Variants in GRID1 observed in about 807,000 individuals in gnomAD.
GRID1 encodes glutamate receptor ionotropic, delta-1.
A neutral mutation model predicts 98.0 loss-of-function variants in GRID1; 28 were observed. That is an observed-to-expected ratio of 0.29 (90% CI 0.21 to 0.39). GRID1 has a LOEUF of 0.39. Among genes scored for constraint, GRID1 ranks in the 10% least tolerant of loss-of-function variants. The pLI is 1.00. For missense variants in GRID1, 1,111 were observed against 1,340.5 expected, an observed-to-expected ratio of 0.83 and a Z score of 2.67; for synonymous variants, 553 against 538.5, an observed-to-expected ratio of 1.03 and a Z score of -0.37.
At chr10:85,672,146 G>A (rs1841093377) in intron 12 of GRID1, among the ~76,000 whole-genome samples, 1 of 152,234 alleles carries the variant, frequency 6.6e-6, no homozygotes, top group African/African-American at 2.4e-5. Flanking sequence ...AATTTTCAGT[G>A]TAGATGCAAT....
At chr10:86,117,257 C>A (rs911269571) in intron 4 of GRID1, among the ~76,000 whole-genome samples, 2 of 151,504 alleles carry the variant, frequency 1.3e-5, no homozygotes, top group African/African-American at 4.9e-5. Context: ...CTACCACTAT[C>A]ACCACCACCA....
At chr10:86,184,146 T>G (rs961209491) in intron 3 of GRID1, among the ~76,000 whole-genome samples, 1 of 152,258 alleles carries the variant, frequency 6.6e-6, no homozygotes, top group African/African-American at 2.4e-5. Context: ...TTTTATACTC[T>G]ATACATGATT....
At chr10:86,168,515 G>A (rs1321757135) in intron 3 of GRID1, among the ~76,000 whole-genome samples, 1 of 152,178 alleles carries the variant, frequency 6.6e-6, no homozygotes, top group Non-Finnish European at 1.5e-5. Context: ...GAACCCAAGA[G>A]CCTGCTGTCC....
In GRID1 at chr10:86,365,936, G is replaced by GC. The variant is rs1429944088; in HGVS notation, c.79+377dup. Among the ~76,000 whole-genome samples, 1 of 149,290 alleles carries GC rather than the reference G, an allele frequency of 6.7e-6. No homozygotes were observed. Among genetic ancestry groups the GC allele is most frequent in the Non-Finnish European group, 1.5e-5 (1 of 67,024 alleles). Reference sequence around the variant, plus strand: ...TGATCTTGCCCTGCCAACTTGGCGAGCCCCCCGCTGTACCTCCCCCTGCCC... The same window carrying GC: ...TGATCTTGCCCTGCCAACTTGGCGAGCCCCCCCGCTGTACCTCCCCCTGCCC... On this transcript the variant is annotated intron_variant, in intron 1 of 15. Coordinates refer to ENST00000327946, the MANE Select transcript of GRID1 (RefSeq NM_017551.3). The surrounding 1 kb of genome is among the most constrained non-coding windows in gnomAD (Gnocchi z 4.8).
intron 3 of GRID1, among the ~76,000 whole-genome samples, chr10:86,204,280 T>C (rs1373344839): frequency 2.0e-5 from 3 of 152,268 alleles, no homozygotes; most frequent in African/African-American, 7.2e-5. Context: ...CATCCATGAA[T>C]GTGTCGAGGG....
In GRID1 at chr10:85,805,449, TC is replaced by T. The variant is rs146078360; in HGVS notation, c.1233+49046del. 4.8e-3 allele frequency among the ~76,000 whole-genome samples: 729 copies of T among 151,360 alleles called. 5 individuals are homozygous for T. The highest frequency in any genetic ancestry group is 0.017 in the African/African-American group (697 of 41,372). ...CTAAATTGGTCAAAAGATTTAACAA[TC>T]CCCCCCAAAAAATCCCAGATGTTTT... On this transcript the variant is annotated intron_variant, in intron 8 of 15. Coordinates refer to ENST00000327946, the MANE Select transcript of GRID1 (RefSeq NM_017551.3).
In GRID1 at chr10:86,366,089, C is replaced by A. The variant is rs1046068292; in HGVS notation, c.79+225G>T. ...CGGCCCTAAGTGTCGGTAGAGGCCGCGGGGCCCCGCGCGGAGATCGGAGCC... is the reference window on the plus strand; with the variant it reads ...CGGCCCTAAGTGTCGGTAGAGGCCGAGGGGCCCCGCGCGGAGATCGGAGCC... On this transcript the variant is annotated intron_variant, in intron 1 of 15. Coordinates refer to ENST00000327946, the MANE Select transcript of GRID1 (RefSeq NM_017551.3). This position sits in a 1 kb window ranked among gnomAD's most constrained non-coding sequence, Gnocchi z 4.1. Among the ~76,000 whole-genome samples the A allele has an allele frequency of 1.3e-5, 2 of 152,100 alleles. No individual in the cohort carries two copies. Among genetic ancestry groups the A allele is most frequent in the East Asian group, 3.9e-4 (2 of 5,122 alleles).
chr10:85,788,066 G>A (rs67227452), intron 8 of GRID1, among the ~76,000 whole-genome samples: 861 of 85,226 alleles, frequency 0.01, 8 homozygotes, highest in African/African-American at 0.03. Context: ...AAAAAAAAAA[G>A]AAAAGAAAAG....
intron 4 of GRID1, among the ~76,000 whole-genome samples, chr10:86,059,149 C>T (rs1843615928): frequency 1.3e-5 from 2 of 152,166 alleles, no homozygotes; most frequent in South Asian, 4.1e-4. Context: ...GATGAGGATC[C>T]ATGTGGTCTC....
At position 85,916,285 on chromosome 10, in the gene GRID1, C is replaced by T; in HGVS notation, c.727-46G>A. 1.5e-6 allele frequency: 2 copies of T among 1,346,858 alleles called. No homozygotes were observed. Among genetic ancestry groups the T allele is most frequent in the East Asian group, 2.3e-5 (1 of 43,664 alleles). 83.4% of individuals were successfully genotyped at this position (1,346,858 alleles called of 1,614,324 possible). Reference sequence around the variant, plus strand: ...AACATGAACAGAAGCAAGACAGAAGCTGGCAGACACAGGATGATTGCCGAG... The same window carrying T: ...AACATGAACAGAAGCAAGACAGAAGTTGGCAGACACAGGATGATTGCCGAG... On this transcript the variant is annotated intron_variant, in intron 4 of 15. Coordinates refer to ENST00000327946, the MANE Select transcript of GRID1 (RefSeq NM_017551.3). This position sits in a 1 kb window ranked among gnomAD's most constrained non-coding sequence, Gnocchi z 4.0.
chr10:86,197,192 G>T (rs116294387), intron 3 of GRID1, among the ~76,000 whole-genome samples: 1 of 151,626 alleles, frequency 6.6e-6, no homozygotes, highest in South Asian at 2.1e-4. Flanking sequence ...GAAAGGGAAG[G>T]CCCCACGGGA....
chr10:85,904,103 T>C (rs1055914948), intron 5 of GRID1, among the ~76,000 whole-genome samples: 2 of 152,208 alleles, frequency 1.3e-5, no homozygotes, highest in African/African-American at 4.8e-5. Flanking sequence ...TCTTGCCCCA[T>C]TGAAAATGTG....
chr10:86,014,993 G>C (rs571659755), intron 4 of GRID1, among the ~76,000 whole-genome samples: 3 of 152,076 alleles, frequency 2.0e-5, no homozygotes, highest in African/African-American at 7.2e-5. Flanking sequence ...TAAAGTTTTC[G>C]CTCAAATGCC....
At chr10:85,695,193 T>C (rs1318689469) in intron 12 of GRID1, among the ~76,000 whole-genome samples, 3 of 152,204 alleles carry the variant, frequency 2.0e-5, no homozygotes, top group Admixed American at 6.5e-5. Context: ...TTCAACAGTC[T>C]ATAGAGTAAG....
At chr10:85,667,587 A>G (rs1469909654) in intron 12 of GRID1, among the ~76,000 whole-genome samples, 1 of 152,172 alleles carries the variant, frequency 6.6e-6, no homozygotes, top group Non-Finnish European at 1.5e-5. Flanking sequence ...TCAATATCGG[A>G]TCCAGCATGT....
intron 3 of GRID1, among the ~76,000 whole-genome samples, chr10:86,140,559 C>T (rs1011236752): frequency 6.6e-6 from 1 of 152,168 alleles, no homozygotes; most frequent in Non-Finnish European, 1.5e-5. Context: ...TCATGGGGAA[C>T]CAAGCAGCGC....
chr10:86,306,732 G>T (rs769388608), intron 2 of GRID1, among the ~76,000 whole-genome samples: 5 of 152,164 alleles, frequency 3.3e-5, no homozygotes, highest in African/African-American at 7.2e-5. Flanking sequence ...CAGAAACAGA[G>T]ATCCAAAGTC....
At position 85,725,875 on chromosome 10, in the gene GRID1, A is replaced by T. The variant is rs576116421; in HGVS notation, c.1534-1199T>A. Reference sequence around the variant, plus strand: ...CTCCTCTTACACTTGTCACACTGGCATCTCTGGTTCTTGCCTCTCTTCTAA... The same window carrying T: ...CTCCTCTTACACTTGTCACACTGGCTTCTCTGGTTCTTGCCTCTCTTCTAA... On this transcript the variant is annotated intron_variant, in intron 10 of 15. Coordinates refer to ENST00000327946, the MANE Select transcript of GRID1 (RefSeq NM_017551.3). 2.6e-5 allele frequency among the ~76,000 whole-genome samples: 4 copies of T among 152,254 alleles called. No homozygotes were observed. In the South Asian group the frequency reaches 6.2e-4, roughly 24 times the overall value.
At chr10:85,920,884 A>G (rs1031454521) in intron 4 of GRID1, among the ~76,000 whole-genome samples, 5 of 152,078 alleles carry the variant, frequency 3.3e-5, no homozygotes, top group Non-Finnish European at 5.9e-5. Context: ...AGGGACACAA[A>G]CCCCGTGGGA....
Sources: gnomAD v4.1 joint callset for allele counts (sites outside exome capture counted in the v4.1 genomes callset) on GRCh38, gnomAD v4.1.1 for gene constraint, Gnocchi (gnomAD v3.1) non-coding constraint, MANE v1.5 for transcripts, NCBI Gene and HGNC (gene_info 2026-07-23, HGNC 2026-07-21) for gene names.